Variants in FAT1 observed in about 807,000 individuals in gnomAD.
The protein encoded by FAT1 is protocadherin Fat 1.
A neutral mutation model predicts 329.8 loss-of-function variants in FAT1; 171 were observed. That is an observed-to-expected ratio of 0.52 (90% CI 0.46 to 0.59). FAT1 has a LOEUF of 0.59. Ranked by LOEUF, FAT1 falls within the 20% of genes least tolerant of loss-of-function variation. FAT1 has a pLI of 0.00. For synonymous variants in FAT1, 2,233 were observed against 2,228.6 expected, an observed-to-expected ratio of 1.00 and a Z score of -0.06; for missense variants, 5,672 against 5,774.4, an observed-to-expected ratio of 0.98 and a Z score of 0.57.
At chr4:186,597,331 A>G (rs1226171713) in intron 24 of FAT1, 160 bp from the exon 25 acceptor site, 1 of 727,090 alleles carries the variant, frequency 1.4e-6, no homozygotes, top group Non-Finnish European at 2.2e-6. Context: ...GACAACCACG[A>G]GAAAAGACCT....
rs1745572095 is a variant in FAT1 at position 186,723,737 on chromosome 4, G to C, written c.-92C>G. 1 of 151,126 alleles carries C rather than the reference G, an allele frequency of 6.6e-6. No homozygotes were observed. The highest frequency in any genetic ancestry group is 2.4e-5 in the African/African-American group (1 of 41,160). 9.4% of individuals were successfully genotyped at this position (151,126 alleles called of 1,614,324 possible). On this transcript the variant is annotated 5_prime_UTR_variant, in exon 1 of 27. Transcript: ENST00000441802. ...CCGTCTCAGCGCGCCCCCGAGCAGG[G>C]ACCGGGCCTGCCGGGGCCCTCGCCG...
chr4:186,659,867 T>C (rs1210894105), intron 3 of FAT1, among the ~76,000 whole-genome samples: 2 of 146,252 alleles, frequency 1.4e-5, no homozygotes, highest in African/African-American at 5.2e-5. Context: ...GTGGCACCTG[T>C]CCCCTGAACG....
rs2126526546 is a variant in FAT1 at position 186,621,571 on chromosome 4, T to C, written c.5015A>G (p.Tyr1672Cys). 4 of 1,614,004 alleles carry C rather than the reference T, an allele frequency of 2.5e-6. No individual in the cohort carries two copies. The highest frequency in any genetic ancestry group is 3.4e-6 in the Non-Finnish European group (4 of 1,179,894). The change falls in exon 10 of 27, where the codon TAT becomes TGT. Residue 1672 changes from tyrosine to cysteine, a missense_variant. Physicochemically the swap from Tyr to Cys is radical, Grantham distance 194. Transcript: ENST00000441802. Reference sequence around the variant, plus strand: ...GACAGTTTCACTAAGTTCAACAGAATATTCTTTTGATGTAAACTTCGGAGA... The same window carrying C: ...GACAGTTTCACTAAGTTCAACAGAACATTCTTTTGATGTAAACTTCGGAGA... Reference protein sequence around the residue: ...NASPKFTSKEYSVELSETVSI... With the variant: ...NASPKFTSKECSVELSETVSI...
intron 3 of FAT1, among the ~76,000 whole-genome samples, chr4:186,656,568 C>T (rs936965008): frequency 5.9e-5 from 9 of 152,100 alleles, no homozygotes; most frequent in Non-Finnish European, 8.8e-5. Context: ...CACAAACACA[C>T]GTCACAAACA....
At chr4:186,674,162 C>A (rs1742850035) in intron 2 of FAT1, among the ~76,000 whole-genome samples, 2 of 152,188 alleles carry the variant, frequency 1.3e-5, no homozygotes, top group Non-Finnish European at 1.5e-5. Flanking sequence ...ATTGTTTAAT[C>A]TTCACAATTA....
At chr4:186,603,071 A>C (rs1037736152) in intron 19 of FAT1, 37 bp from the exon 20 acceptor site, 3 of 1,613,174 alleles carry the variant, frequency 1.9e-6, no homozygotes, top group Non-Finnish European at 1.7e-6. Context: ...AAAGATAATT[A>C]ACAGACATTT....
intron 2 of FAT1, among the ~76,000 whole-genome samples, chr4:186,667,552 A>G (rs2126626720): frequency 6.6e-6 from 1 of 152,316 alleles, no homozygotes; most frequent in South Asian, 2.1e-4. Context: ...ACCTCTTTGT[A>G]AGATAAAAAA....
chr4:186,666,755 A>G (rs1314174903), intron 2 of FAT1, among the ~76,000 whole-genome samples: 3 of 152,198 alleles, frequency 2.0e-5, no homozygotes, highest in South Asian at 2.1e-4. Flanking sequence ...AGTGTCTTAC[A>G]TGCATTATCT....
chr4:186,615,895 C>T (rs185370904), intron 11 of FAT1, among the ~76,000 whole-genome samples: 3 of 152,288 alleles, frequency 2.0e-5, no homozygotes, highest in Middle Eastern at 3.4e-3. Context: ...GTCTAAAAAA[C>T]ATGGTCAACT....
rs1479848986 is a variant in FAT1, at chr4:186,663,495, C to T, written c.3384G>A (p.Glu1128=). ...PLSSFIEIYI[E]VEDVNDNAPQ... Reference sequence around the variant, plus strand: ...GTGCATTGTCATTGACATCCTCAACCTCTATGTAGATCTCTATGAACGATG... The same window carrying T: ...GTGCATTGTCATTGACATCCTCAACTTCTATGTAGATCTCTATGAACGATG... Residue 1128 remains glutamate, a synonymous_variant, in exon 3 of 27, where the codon GAG becomes GAA. Coordinates refer to ENST00000441802, the MANE Select transcript of FAT1 (RefSeq NM_005245.4). 1.2e-6 allele frequency: 2 copies of T among 1,614,050 alleles called. No individual in the cohort carries two copies. The highest frequency in any genetic ancestry group is 2.2e-5 in the East Asian group (1 of 44,884).
At chr4:186,608,750 G>A (rs11941966) in intron 16 of FAT1, among the ~76,000 whole-genome samples, 89,581 of 151,900 alleles carry the variant, frequency 0.59, 26,886 homozygotes, top group African/African-American at 0.7. Flanking sequence ...ATCTCACTCT[G>A]CTTTCTTCTT....
At chr4:186,709,913 T>A in intron 1 of FAT1, 68 bp from the exon 2 acceptor site, 1 of 1,360,172 alleles carries the variant, frequency 7.4e-7, no homozygotes, top group Non-Finnish European at 9.7e-7. Context: ...TACATTGTTT[T>A]AAACTTCTCA....
intron 3 of FAT1, among the ~76,000 whole-genome samples, chr4:186,652,868 T>C (rs1255414994): frequency 6.6e-6 from 1 of 152,228 alleles, no homozygotes; most frequent in Non-Finnish European, 1.5e-5. Flanking sequence ...CCAGTATACC[T>C]ACCAGCTATT....
chr4:186,646,283 G>A (rs1017106742), intron 3 of FAT1, among the ~76,000 whole-genome samples: 13 of 152,158 alleles, frequency 8.5e-5, no homozygotes, highest in Admixed American at 7.2e-4. Context: ...CTGGTCACCC[G>A]ATACCTTCCT....
chr4:186,639,629 C>G (rs1414838984), intron 4 of FAT1, 93 bp downstream of exon 4: 2 of 824,038 alleles, frequency 2.4e-6, no homozygotes, highest in African/African-American at 3.5e-5. Flanking sequence ...ATATTAATAG[C>G]TAAGAATACT....
At chr4:186,640,194 A>C (rs1311711280) in intron 3 of FAT1, among the ~76,000 whole-genome samples, 1 of 152,204 alleles carries the variant, frequency 6.6e-6, no homozygotes, top group Non-Finnish European at 1.5e-5. Context: ...CAAGAAAAAA[A>C]GAAGAAAGAA....
upstream of FAT1, among the ~76,000 whole-genome samples, chr4:186,725,143 A>C (rs1745675377): frequency 6.6e-6 from 1 of 152,054 alleles, no homozygotes; most frequent in African/African-American, 2.4e-5. This position sits in a 1 kb window ranked among gnomAD's most constrained non-coding sequence, Gnocchi z 5.4. Flanking sequence ...CCATCATCCA[A>C]AGACGTGTTT....
At chr4:186,625,085 A>G (rs559714711) in intron 9 of FAT1, among the ~76,000 whole-genome samples, 1 of 152,366 alleles carries the variant, frequency 6.6e-6, no homozygotes, top group Non-Finnish European at 1.5e-5. Context: ...AGAAGCATTC[A>G]AAGAATGCAC....
At chr4:186,651,037 T>C (rs922381971) in intron 3 of FAT1, among the ~76,000 whole-genome samples, 2 of 148,932 alleles carry the variant, frequency 1.3e-5, no homozygotes, top group Non-Finnish European at 3.0e-5. Flanking sequence ...TTAAATAATT[T>C]ATTTACTATT....
Sources: gnomAD v4.1 joint callset for allele counts (sites outside exome capture counted in the v4.1 genomes callset) on GRCh38, gnomAD v4.1.1 for gene constraint, Gnocchi (gnomAD v3.1) non-coding constraint, MANE v1.5 for transcripts, NCBI Gene and HGNC (gene_info 2026-07-23, HGNC 2026-07-21) for gene names.